PLEKHA1: variants seen among roughly 807,000 people sequenced by gnomAD.
The protein encoded by PLEKHA1 is pleckstrin homology domain containing A1.
A neutral mutation model predicts 52.0 loss-of-function variants in PLEKHA1; 34 were observed. The ratio of observed to expected loss-of-function variants is 0.65; its 90% CI spans 0.50 to 0.87. The LOEUF (loss-of-function observed/expected upper bound fraction) is 0.87. Ranked by LOEUF, PLEKHA1 falls within the 40% of genes least tolerant of loss-of-function variation. The pLI is 0.00. For synonymous variants in PLEKHA1, 163 were observed against 170.7 expected, an observed-to-expected ratio of 0.95 and a Z score of 0.35; for missense variants, 497 against 504.2, an observed-to-expected ratio of 0.99 and a Z score of 0.14.
chr10:122,442,200 C>A, the PLEKHA1 span: 1 of 152,200 alleles, frequency 6.6e-6, no homozygotes, highest in Non-Finnish European at 1.5e-5. Flanking sequence ...ACTGACCATT[C>A]CTTTCTTTGT....
chr10:122,429,425 C>T (rs942541059), intron 11 of PLEKHA1, among the ~76,000 whole-genome samples, 199 bp from the exon 12 acceptor site: 1 of 152,022 alleles, frequency 6.6e-6, no homozygotes, highest in African/African-American at 2.4e-5. Context: ...GCTTTAAACT[C>T]ACCTCTAAAA....
chr10:122,397,764 C>A (rs1377961021), intron 2 of PLEKHA1, among the ~76,000 whole-genome samples, 154 bp from the exon 3 acceptor site: 2 of 151,752 alleles, frequency 1.3e-5, no homozygotes, highest in African/African-American at 4.8e-5. Flanking sequence ...TGATTTCAGA[C>A]CTAGTAAAAA....
intron 1 of PLEKHA1, among the ~76,000 whole-genome samples, chr10:122,378,757 A>T (rs1380610933): frequency 6.0e-5 from 9 of 149,554 alleles, no homozygotes; most frequent in Admixed American, 4.0e-4. Context: ...AAAAAAAAAC[A>T]GAAAAACAAA....
chr10:122,376,116 A>G (rs1203740137), intron 1 of PLEKHA1, among the ~76,000 whole-genome samples: 1 of 152,162 alleles, frequency 6.6e-6, no homozygotes, highest in Non-Finnish European at 1.5e-5. Flanking sequence ...GAGTTATGTG[A>G]TTGTTTTGTG....
the PLEKHA1 span, chr10:122,441,474 A>C: frequency 6.6e-6 from 1 of 152,668 alleles, no homozygotes; most frequent in South Asian, 2.1e-4. Flanking sequence ...TGTCTCAAAA[A>C]AAAAAAAAGT....
chr10:122,421,590 TTATGC>T (rs2097260767), intron 8 of PLEKHA1: 1 of 152,118 alleles, frequency 6.6e-6, no homozygotes, highest in Non-Finnish European at 1.5e-5. Context: ...AATCAGTTCT[TTATGC>T]TGTATTTTCA....
chr10:122,441,523 A>C, the PLEKHA1 span: 1 of 152,118 alleles, frequency 6.6e-6, no homozygotes, highest in South Asian at 2.1e-4. Flanking sequence ...TATCCATTAC[A>C]TGTAAGGAAT....
At chr10:122,416,178 T>C (rs1162639498) in intron 7 of PLEKHA1, among the ~76,000 whole-genome samples, 176 bp downstream of exon 7, 1 of 152,194 alleles carries the variant, frequency 6.6e-6, no homozygotes, top group Non-Finnish European at 1.5e-5. Context: ...TTCAATGCTG[T>C]TATTTGCTTG....
chr10:122,413,290 G>A (rs959336613), intron 6 of PLEKHA1, among the ~76,000 whole-genome samples: 15 of 152,198 alleles, frequency 9.9e-5, no homozygotes, highest in African/African-American at 3.4e-4. Context: ...GATATGAGTT[G>A]TATATTACAT....
At chr10:122,416,332 T>TG (rs1214849290) in intron 7 of PLEKHA1, among the ~76,000 whole-genome samples, 1 of 152,144 alleles carries the variant, frequency 6.6e-6, no homozygotes, top group African/African-American at 2.4e-5. Flanking sequence ...AGAGCTGTTG[T>TG]GGGGAGATGG....
chr10:122,439,993 T>C, the PLEKHA1 span: 2 of 152,210 alleles, frequency 1.3e-5, 1 homozygote, highest in African/African-American at 4.8e-5. Context: ...ACAGAACTTA[T>C]TTAAGGAGAA....
intron 3 of PLEKHA1, among the ~76,000 whole-genome samples, chr10:122,399,923 C>G (rs2096904836): frequency 1.3e-5 from 2 of 152,102 alleles, no homozygotes; most frequent in Non-Finnish European, 2.9e-5. Flanking sequence ...TCCTCTTTAC[C>G]CAGCCCCATT....
At chr10:122,421,522 AAAGT>A (rs2097259735) in intron 8 of PLEKHA1, 1 of 152,176 alleles carries the variant, frequency 6.6e-6, no homozygotes, top group Admixed American at 6.5e-5. Flanking sequence ...GAATGTAGGA[AAAGT>A]ATTCAGGGGT....
intron 7 of PLEKHA1, among the ~76,000 whole-genome samples, chr10:122,416,267 T>TTTAGAAACAC (rs376165895): frequency 6.6e-6 from 1 of 152,206 alleles, no homozygotes; most frequent in African/African-American, 2.4e-5. Context: ...AGTTTAATGT[T>TTTAGAAACAC]TTAGAAAGTG....
intron 8 of PLEKHA1, 124 bp downstream of exon 8, chr10:122,418,092 A>G (rs2097204720): frequency 7.8e-6 from 5 of 642,652 alleles, no homozygotes; most frequent in African/African-American, 1.8e-5. Flanking sequence ...AGAGGTAAAT[A>G]TAGTTTATTT....
In PLEKHA1 at chr10:122,424,248, A is replaced by G. The variant is rs1015514778; in HGVS notation, c.731A>G (p.Gln244Arg). 4 of 1,593,334 alleles carry G rather than the reference A, an allele frequency of 2.5e-6. No homozygotes were observed. The highest frequency in any genetic ancestry group is 3.4e-6 in the Non-Finnish European group (4 of 1,175,526). ...CCACTTAAAGAGGTTCATAAAGTCC[A>G]GGAATGTAAGCAAAGGTAAGGAACC... ...VIPLKEVHKV[Q>R]ECKQSDIMMR... The change falls in exon 9 of 12, where the codon CAG becomes CGG. Residue 244 changes from glutamine (Q) to arginine (R), a missense_variant. By Grantham distance (43) the Gln-to-Arg change is conservative. Coordinates refer to ENST00000368990, the MANE Select transcript of PLEKHA1 (RefSeq NM_001001974.4).
intron 1 of PLEKHA1, among the ~76,000 whole-genome samples, chr10:122,378,483 C>T (rs1029142244): frequency 8.0e-5 from 12 of 149,114 alleles, no homozygotes; most frequent in Non-Finnish European, 1.3e-4. Context: ...TGCCTGTAAT[C>T]CCAGCACTTC....
intron 4 of PLEKHA1, 104 bp from the exon 5 acceptor site, chr10:122,406,472 C>T (rs1267166375): frequency 4.4e-5 from 37 of 838,982 alleles, no homozygotes; most frequent in South Asian, 4.2e-4. Context: ...GTCAAATCCA[C>T]GAGAGTCACG....
intron 4 of PLEKHA1, among the ~76,000 whole-genome samples, chr10:122,400,750 G>A (rs1049328385): frequency 6.6e-6 from 1 of 152,164 alleles, no homozygotes; most frequent in African/African-American, 2.4e-5. Flanking sequence ...TTTAGCTTTT[G>A]GGTAGTGAGA....
Sources: allele counts gnomAD v4.1 joint callset (sites outside exome capture counted in the v4.1 genomes callset), GRCh38; gene constraint gnomAD v4.1.1; transcripts MANE v1.5; gene names NCBI Gene and HGNC (gene_info 2026-07-23, HGNC 2026-07-21).